CMSS1: variants seen among roughly 807,000 people sequenced by gnomAD.
CMSS1 encodes protein CMSS1.
In CMSS1, 33 loss-of-function variants were observed where a neutral mutation model predicts 43.5. The observed-to-expected ratio is 0.76, with a 90% CI of 0.57 to 1.01. CMSS1 has a LOEUF of 1.01. Ranked by LOEUF, CMSS1 falls within the 50% of genes least tolerant of loss-of-function variation. CMSS1 has a pLI of 0.00. For synonymous variants in CMSS1, 115 were observed against 117.2 expected (o/e 0.98, Z 0.12); for missense variants, 313 against 326.4 (o/e 0.96, Z 0.32).
chr3:99,998,661 C>A (rs1277810048), intron 1 of CMSS1, among the ~76,000 whole-genome samples: 1 of 152,196 alleles, frequency 6.6e-6, no homozygotes, highest in African/African-American at 2.4e-5. Flanking sequence ...CTCCCGGGTT[C>A]ACGCGATTCT....
chr3:99,983,751 G>T (rs1006740185), intron 1 of CMSS1, among the ~76,000 whole-genome samples: 4 of 150,440 alleles, frequency 2.7e-5, no homozygotes, highest in Non-Finnish European at 4.4e-5. Flanking sequence ...GTTTCCAACT[G>T]TTCAGACCCC....
At position 100,112,123 on chromosome 3, in the gene CMSS1, A is replaced by G. The variant is rs79867506; in HGVS notation, c.65-34850A>G. ...ATTACTATAAAAGTGTTCCCCTAAT[A>G]TAACTAAACAAACTTACTGTGTATT... On this transcript the variant is annotated intron_variant, in intron 1 of 9. Coordinates refer to ENST00000421999, the MANE Select transcript of CMSS1 (RefSeq NM_032359.4). 3.5e-3 allele frequency among the ~76,000 whole-genome samples: 537 copies of G among 152,338 alleles called. 2 individuals are homozygous for G. The highest frequency in any genetic ancestry group is 0.012 in the African/African-American group (511 of 41,586).
chr3:99,932,238 C>T (rs1276614025), intron 1 of CMSS1, among the ~76,000 whole-genome samples: 1 of 152,148 alleles, frequency 6.6e-6, no homozygotes, highest in African/African-American at 2.4e-5. Context: ...TATCATTCCC[C>T]TGTATGTTTC....
chr3:99,941,624 C>T (rs1707853527), intron 1 of CMSS1, among the ~76,000 whole-genome samples: 1 of 152,064 alleles, frequency 6.6e-6, no homozygotes, highest in Admixed American at 6.6e-5. Context: ...GATGAAACAA[C>T]CATGTATCCA....
At chr3:100,034,867 G>C (rs1330020870) in intron 1 of CMSS1, among the ~76,000 whole-genome samples, 3 of 152,190 alleles carry the variant, frequency 2.0e-5, no homozygotes, top group Non-Finnish European at 1.5e-5. Context: ...ATATTTGTTT[G>C]TGGTGTTTTT....
chr3:100,097,530 T>C (rs1397069445), intron 1 of CMSS1, among the ~76,000 whole-genome samples: 1 of 152,204 alleles, frequency 6.6e-6, no homozygotes, highest in Non-Finnish European at 1.5e-5. Flanking sequence ...TTTTTAGATA[T>C]TTGATGTCTT....
At chr3:100,037,148 A>G (rs933441437) in intron 1 of CMSS1, among the ~76,000 whole-genome samples, 13 of 151,074 alleles carry the variant, frequency 8.6e-5, no homozygotes, top group Admixed American at 7.9e-4. Context: ...TGGGGATGAA[A>G]CATAATGTTG....
intron 1 of CMSS1, among the ~76,000 whole-genome samples, chr3:99,937,735 A>AT (rs1279398037): frequency 6.6e-6 from 1 of 152,174 alleles, no homozygotes; most frequent in Non-Finnish European, 1.5e-5. Context: ...TTGGCTCTGA[A>AT]TAGGAGCTGC....
intron 1 of CMSS1, among the ~76,000 whole-genome samples, chr3:100,137,971 A>G (rs1421657710): frequency 1.3e-5 from 2 of 152,238 alleles, no homozygotes; most frequent in African/African-American, 4.8e-5. Flanking sequence ...CCAAAACAGC[A>G]TGGTACTGGT....
At chr3:100,140,216 A>G (rs2066793856) in intron 1 of CMSS1, among the ~76,000 whole-genome samples, 1 of 151,822 alleles carries the variant, frequency 6.6e-6, no homozygotes, top group African/African-American at 2.4e-5. Context: ...TTTTAATCCC[A>G]CAATCCATAA....
chr3:99,926,970 A>G (rs149662311), intron 1 of CMSS1, among the ~76,000 whole-genome samples: 18 of 152,162 alleles, frequency 1.2e-4, no homozygotes, highest in African/African-American at 4.3e-4. Flanking sequence ...ATTTTTCACC[A>G]CTGGGACTCC....
At chr3:99,995,639 G>A (rs1195919563) in intron 1 of CMSS1, among the ~76,000 whole-genome samples, 1 of 152,218 alleles carries the variant, frequency 6.6e-6, no homozygotes, top group Non-Finnish European at 1.5e-5. Context: ...GCAAACTTCT[G>A]CCTGGGCATC....
At chr3:100,021,958 T>TGAGA (rs1466622023) in intron 1 of CMSS1, among the ~76,000 whole-genome samples, 1,784 of 94,790 alleles carry the variant, frequency 0.019, 12 homozygotes, top group Non-Finnish European at 0.029. Context: ...TGTGTGTGTG[T>TGAGA]GTGAGAGAGA....
chr3:99,908,962 C>CATTT (rs1267933923), intron 1 of CMSS1, among the ~76,000 whole-genome samples: 5 of 152,066 alleles, frequency 3.3e-5, no homozygotes, highest in Non-Finnish European at 7.3e-5. Flanking sequence ...ACTCTGACCC[C>CATTT]ATTTACTCTT....
intron 1 of CMSS1, among the ~76,000 whole-genome samples, chr3:99,893,377 G>C (rs904582109): frequency 1.5e-4 from 23 of 152,182 alleles, no homozygotes; most frequent in Admixed American, 1.2e-3. Flanking sequence ...GTATTAGCCA[G>C]AATGGTCTCG....
intron 1 of CMSS1, among the ~76,000 whole-genome samples, chr3:99,871,487 A>G (rs1944783809): frequency 6.6e-6 from 1 of 152,182 alleles, no homozygotes; most frequent in African/African-American, 2.4e-5. Context: ...GAGACAGATA[A>G]TAAGCAAATA....
chr3:99,872,713 G>A (rs144152711), intron 1 of CMSS1, among the ~76,000 whole-genome samples: 2 of 152,266 alleles, frequency 1.3e-5, no homozygotes, highest in Non-Finnish European at 2.9e-5. Context: ...ATGTGTTCTC[G>A]TTCTTGGGCT....
chr3:99,855,307 C>A (rs1047238090), intron 1 of CMSS1, among the ~76,000 whole-genome samples: 4 of 152,124 alleles, frequency 2.6e-5, no homozygotes, highest in Admixed American at 6.5e-5. Flanking sequence ...TCAGTAGCTA[C>A]ATTTTCATGC....
intron 1 of CMSS1, among the ~76,000 whole-genome samples, chr3:99,975,947 C>T (rs1375482819): frequency 6.6e-6 from 1 of 152,140 alleles, no homozygotes; most frequent in African/African-American, 2.4e-5. Context: ...TGCAGTGGCA[C>T]CATCTTGGCT....
Sources: allele counts gnomAD v4.1 joint callset (sites outside exome capture counted in the v4.1 genomes callset), GRCh38; gene constraint gnomAD v4.1.1; transcripts MANE v1.5; gene names NCBI Gene and HGNC (gene_info 2026-07-23, HGNC 2026-07-21).